SYNE1: variants seen among roughly 807,000 people sequenced by gnomAD.
SYNE1 encodes spectrin repeat containing nuclear envelope protein 1.
A neutral mutation model predicts 1,111.0 loss-of-function variants in SYNE1; 616 were observed. The ratio of observed to expected loss-of-function variants is 0.55; its 90% CI spans 0.52 to 0.59. The LOEUF (loss-of-function observed/expected upper bound fraction) is 0.59. Ranked by LOEUF, SYNE1 falls within the 20% of genes least tolerant of loss-of-function variation. The pLI is 0.00. For synonymous variants in SYNE1, 3,855 were observed against 3,825.8 expected (o/e 1.01, Z -0.28); for missense variants, 10,006 against 10,417.0 (o/e 0.96, Z 1.72).
At chr6:152,628,211 G>T in intron 3 of SYNE1, 54 bp downstream of exon 3, 6 of 1,574,066 alleles carry the variant, frequency 3.8e-6, no homozygotes, top group South Asian at 1.1e-5. Context: ...TTAACTGATT[G>T]TGGGTTAAGA....
At chr6:152,624,566 A>T (rs1046486690) in intron 3 of SYNE1, among the ~76,000 whole-genome samples, 2 of 152,152 alleles carry the variant, frequency 1.3e-5, no homozygotes, top group Non-Finnish European at 2.9e-5. Context: ...TGTACTAATT[A>T]TGTGCATTTA....
intron 3 of SYNE1, among the ~76,000 whole-genome samples, chr6:152,593,641 T>C (rs140130646): frequency 0.01 from 1,571 of 152,128 alleles, 17 homozygotes; most frequent in Middle Eastern, 0.017. Flanking sequence ...GACTCTATAG[T>C]TGTGATCTCA....
At chr6:152,139,682 A>G (rs535765529) in intron 140 of SYNE1, among the ~76,000 whole-genome samples, 1 of 143,214 alleles carries the variant, frequency 7.0e-6, no homozygotes, top group East Asian at 2.1e-4. Context: ...ATGAGAGAGA[A>G]AGAAAGAAAA....
Position 152,300,759 on chromosome 6 carries a change from G to A in SYNE1, c.17564C>T (p.Thr5855Ile), listed in dbSNP as rs1336941426. The A allele has an allele frequency of 2.5e-6, 4 of 1,614,120 alleles. No homozygotes were observed. The highest frequency in any genetic ancestry group is 3.4e-6 in the Non-Finnish European group (4 of 1,180,050). ...CTCCTCAGTGACCGGTGACAGCAAA[G>A]TGTGACAGCGACCTGCAGTCATCTG... ...VVMMTAGRCH[T>I]LLSPVTEESG... Residue 5855 changes from threonine (T) to isoleucine (I), a missense_variant, in exon 93 of 146, where the codon ACT becomes ATT. Transcript: ENST00000367255.
chr6:152,301,829 A>G, intron 92 of SYNE1, 40 bp downstream of exon 92: 2 of 1,568,674 alleles, frequency 1.3e-6, no homozygotes, highest in East Asian at 2.3e-5. Context: ...GCCAGGCTCC[A>G]GTCAAAGAGC....
At chr6:152,248,016 A>G (rs1027971696) in intron 105 of SYNE1, among the ~76,000 whole-genome samples, 2 of 152,060 alleles carry the variant, frequency 1.3e-5, no homozygotes, top group African/African-American at 4.8e-5. Flanking sequence ...AACAGGAGAT[A>G]TTCTAACATC....
intron 129 of SYNE1, among the ~76,000 whole-genome samples, chr6:152,178,335 T>G (rs553191336): frequency 3.3e-5 from 5 of 152,342 alleles, no homozygotes; most frequent in Admixed American, 2.6e-4. Context: ...AATCACGCAC[T>G]GACAGCATTC....
At chr6:152,139,438 G>A (rs2057874333) in intron 140 of SYNE1, among the ~76,000 whole-genome samples, 1 of 151,670 alleles carries the variant, frequency 6.6e-6, no homozygotes, top group Non-Finnish European at 1.5e-5. Flanking sequence ...AGGCATGGTG[G>A]TGCGTGCCTG....
At position 152,552,768 on chromosome 6, in the gene SYNE1, T is replaced by C. The variant is rs138095382; in HGVS notation, c.68-12747A>G. Among the ~76,000 whole-genome samples the C allele has an allele frequency of 1.8e-3, 279 of 152,320 alleles. 1 individual carries two copies. Among genetic ancestry groups the C allele is most frequent in the African/African-American group, 6.5e-3 (269 of 41,572 alleles). On this transcript the variant is annotated intron_variant, in intron 3 of 145. Coordinates refer to ENST00000367255, the MANE Select transcript of SYNE1 (RefSeq NM_182961.4). ...AAGACCTGCACTCAGTGGTTAATCC[T>C]GCACAGAGCACCAGGTGGTGCTGTT...
rs577845170 is a variant in SYNE1, at chr6:152,304,570, T to C, written c.17347-2507A>G. Among the ~76,000 whole-genome samples the C allele has an allele frequency of 1.7e-4, 26 of 152,282 alleles. 1 individual carries two copies. The South Asian group carries it at 3.5e-3, about 21-fold the overall frequency. ...AACTCCTGATCTCAAGTGATTTGCC[T>C]GCCTTGGCCTCCCAAAGTGCTGAGA... is the stretch of plus-strand genomic sequence containing the variant. On this transcript the variant is annotated intron_variant, in intron 91 of 145. Coordinates refer to ENST00000367255, the MANE Select transcript of SYNE1 (RefSeq NM_182961.4).
At position 152,458,745 on chromosome 6, in the gene SYNE1, G is replaced by A. The variant is rs777634373; in HGVS notation, c.2568+12C>T. 6.2e-7 allele frequency: 1 copy of A among 1,613,484 alleles called. No homozygotes were observed. The highest frequency in any genetic ancestry group is 8.5e-7 in the Non-Finnish European group (1 of 1,179,506). On this transcript the variant is annotated intron_variant, in intron 22 of 145. Coordinates refer to ENST00000367255, the MANE Select transcript of SYNE1 (RefSeq NM_182961.4). ...TTTAGAATAATTGTCTCCTGAAAAG[G>A]ATTGTTCTCACCTGATGTTTTTGTT...
intron 13 of SYNE1, among the ~76,000 whole-genome samples, chr6:152,484,073 A>C (rs1381287046): frequency 6.8e-6 from 1 of 147,524 alleles, no homozygotes; most frequent in African/African-American, 2.5e-5. Context: ...TTAGCCAAGT[A>C]TGGTGGTACA....
intron 41 of SYNE1, among the ~76,000 whole-genome samples, chr6:152,415,789 TAAAAAAAAAAAAAA>T (rs1209590450): frequency 2.7e-5 from 2 of 73,022 alleles, no homozygotes; most frequent in Admixed American, 3.6e-4. Context: ...TTCAAAGTGG[TAAAAAAAAAAAAAA>T]AAAAAAAAAA....
chr6:152,305,267 T>TATC (rs1296057978), intron 91 of SYNE1, among the ~76,000 whole-genome samples: 1 of 152,128 alleles, frequency 6.6e-6, no homozygotes, highest in Admixed American at 6.6e-5. Context: ...GAAAAAGTAT[T>TATC]ATTATTATTA....
chr6:152,180,108 A>C, intron 129 of SYNE1, 28 bp downstream of exon 129: 2 of 1,613,568 alleles, frequency 1.2e-6, no homozygotes, highest in Non-Finnish European at 1.7e-6. Flanking sequence ...ATGAAGAATG[A>C]AAACCTAAGT....
chr6:152,131,957 G>A (rs532370737), intron 144 of SYNE1, among the ~76,000 whole-genome samples, 165 bp downstream of exon 144: 4 of 152,226 alleles, frequency 2.6e-5, no homozygotes, highest in Admixed American at 6.5e-5. Flanking sequence ...ATTCCTGAGC[G>A]CGTGCTGGGA....
Position 152,551,924 on chromosome 6 carries a change from C to T in SYNE1, c.68-11903G>A, listed in dbSNP as rs374146144. Among the ~76,000 whole-genome samples, 13 of 152,292 alleles carry T rather than the reference C, an allele frequency of 8.5e-5. No homozygotes were observed. The South Asian group carries it at 1.9e-3, about 22-fold the overall frequency. On this transcript the variant is annotated intron_variant, in intron 3 of 145. Coordinates refer to ENST00000367255, the MANE Select transcript of SYNE1 (RefSeq NM_182961.4). ...GCCAGCTCCCTCCTGTAAAATGTGG[C>T]GTCTCCTGCTTTTGCAAGAAAGCCA...
At chr6:152,590,505 A>G (rs1207952913) in intron 3 of SYNE1, among the ~76,000 whole-genome samples, 2 of 152,032 alleles carry the variant, frequency 1.3e-5, no homozygotes, top group African/African-American at 2.4e-5. Context: ...ATTTATATTT[A>G]CCAAAAAACT....
intron 123 of SYNE1, among the ~76,000 whole-genome samples, chr6:152,213,176 G>C (rs1203928948): frequency 6.6e-6 from 1 of 152,092 alleles, no homozygotes; most frequent in Non-Finnish European, 1.5e-5. Flanking sequence ...TGATTTCCTG[G>C]TATAAAATTC....
Sources: allele counts gnomAD v4.1 joint callset (sites outside exome capture counted in the v4.1 genomes callset), GRCh38; gene constraint gnomAD v4.1.1; transcripts MANE v1.5; gene names NCBI Gene and HGNC (gene_info 2026-07-23, HGNC 2026-07-21).